Variants in HHLA2 observed in about 807,000 individuals in gnomAD.
The protein encoded by HHLA2 is HERV-H LTR-associating protein 2.
Under a neutral mutation model 45.9 loss-of-function variants are expected in HHLA2, and 48 were observed. The observed-to-expected ratio is 1.05, with a 90% CI of 0.83 to 1.33. The LOEUF (loss-of-function observed/expected upper bound fraction) is 1.33, where lower values mean the gene tolerates loss of function less well. Ranked by LOEUF, HHLA2 falls within the 40% of genes most tolerant of loss-of-function variation. The probability of loss-of-function intolerance (pLI) is 0.00; values close to 1 mark genes in which losing one functional copy is unlikely to be tolerated. For synonymous variants in HHLA2, 161 were observed against 173.9 expected, an observed-to-expected ratio of 0.93 and a Z score of 0.59; for missense variants, 462 against 494.3, an observed-to-expected ratio of 0.93 and a Z score of 0.62.
intron 8 of HHLA2, among the ~76,000 whole-genome samples, chr3:108,372,590 T>C (rs1258867333): frequency 2.0e-5 from 3 of 150,596 alleles, no homozygotes; most frequent in Non-Finnish European, 4.4e-5. Flanking sequence ...GCAAGACTAA[T>C]AAAGAAGAAA....
At chr3:108,321,091 T>TAAAAAAAAAAAAAAAAAAAGAAA (rs2081191994) in intron 2 of HHLA2, among the ~76,000 whole-genome samples, 1 of 101,428 alleles carries the variant, frequency 9.9e-6, no homozygotes, top group Non-Finnish European at 2.0e-5. Context: ...TCCAGGTGTT[T>TAAAAAAAAAAAAAAAAAAAGAAA]AAAAAAAAAA....
chr3:108,337,869 T>C (rs1019145111), intron 3 of HHLA2, among the ~76,000 whole-genome samples: 20 of 152,298 alleles, frequency 1.3e-4, no homozygotes, highest in African/African-American at 4.1e-4. Context: ...GCTTATGTCC[T>C]AAACCTATTT....
chr3:108,318,180 C>CAAA (rs55796552), intron 2 of HHLA2, among the ~76,000 whole-genome samples: 8,505 of 122,204 alleles, frequency 0.07, 353 homozygotes, highest in Non-Finnish European at 0.1. Context: ...GACTCCATCT[C>CAAA]AAAAAAAAAA....
chr3:108,363,490 G>T (rs966438735), intron 8 of HHLA2, among the ~76,000 whole-genome samples: 22 of 152,158 alleles, frequency 1.4e-4, no homozygotes, highest in African/African-American at 5.3e-4. Flanking sequence ...GAAGTTAGGA[G>T]ATTAGGGTTA....
intron 3 of HHLA2, among the ~76,000 whole-genome samples, chr3:108,328,783 G>A (rs1352932299): frequency 2.0e-5 from 3 of 151,830 alleles, no homozygotes; most frequent in Admixed American, 1.3e-4. Flanking sequence ...GGAGAAAATT[G>A]CAGTAGTAGT....
chr3:108,363,972 CTTCTTT>C (rs1201705340), intron 8 of HHLA2, among the ~76,000 whole-genome samples: 14 of 147,726 alleles, frequency 9.5e-5, no homozygotes, highest in Non-Finnish European at 1.6e-4. Flanking sequence ...GAGTGACTTA[CTTCTTT>C]TTTTTTTTTT....
intron 7 of HHLA2, among the ~76,000 whole-genome samples, chr3:108,359,260 C>A (rs78941793): frequency 0.016 from 2,395 of 152,048 alleles, 45 homozygotes; most frequent in African/African-American, 0.054. Context: ...ATTTTCAGTT[C>A]ACACAAAGTG....
chr3:108,328,156 A>C, intron 2 of HHLA2: 1 of 518,264 alleles, frequency 1.9e-6, no homozygotes. Flanking sequence ...AAGTTGTAGA[A>C]GTAATTTTCA....
At chr3:108,370,988 T>C (rs149701951) in intron 8 of HHLA2, among the ~76,000 whole-genome samples, 3,460 of 152,214 alleles carry the variant, frequency 0.023, 58 homozygotes, top group South Asian at 0.057. Context: ...GCCAGAAAGA[T>C]ACTCCTCGAG....
intron 1 of HHLA2, among the ~76,000 whole-genome samples, chr3:108,299,902 C>T (rs2107274973): frequency 6.6e-6 from 1 of 152,204 alleles, no homozygotes; most frequent in East Asian, 1.9e-4. Context: ...GGAGCGATGG[C>T]TTGGAAAGAG....
In HHLA2 at chr3:108,362,232, T is replaced by C. The variant is rs912796584; in HGVS notation, c.1004-110T>C. 3 of 735,558 alleles carry C rather than the reference T, an allele frequency of 4.1e-6. No individual in the cohort carries two copies. The African/African-American group carries it at 5.4e-5, about 13-fold the overall frequency. 45.6% of individuals were successfully genotyped at this position (735,558 alleles called of 1,614,324 possible). A position where few individuals can be genotyped will look rare whatever the true frequency, so the allele number is the denominator to read the frequency against. On this transcript the variant is annotated intron_variant, in intron 7 of 10. Transcript: ENST00000619531. Reference sequence around the variant, plus strand: ...CAGCCTCCTACCTGTAATGCAGAAATAACTAGTTTTTAAAATAGTAAACAT... The same window carrying C: ...CAGCCTCCTACCTGTAATGCAGAAACAACTAGTTTTTAAAATAGTAAACAT...
At chr3:108,363,388 CT>C (rs1476414774) in intron 8 of HHLA2, among the ~76,000 whole-genome samples, 1 of 152,172 alleles carries the variant, frequency 6.6e-6, no homozygotes. Flanking sequence ...CATTATCCCC[CT>C]GAGAAGGCTC....
chr3:108,373,963 A>G (rs1416687836), intron 8 of HHLA2, among the ~76,000 whole-genome samples: 1 of 151,434 alleles, frequency 6.6e-6, no homozygotes, highest in Non-Finnish European at 1.5e-5. Context: ...TTCTTCACAG[A>G]ATTGGAAGAA....
chr3:108,369,155 A>T (rs772256009), intron 8 of HHLA2, among the ~76,000 whole-genome samples: 82 of 152,300 alleles, frequency 5.4e-4, no homozygotes, highest in Middle Eastern at 6.8e-3. Context: ...GGCAGAAATA[A>T]ATAAGTTCTT....
chr3:108,374,383 A>G (rs997665348), intron 8 of HHLA2, among the ~76,000 whole-genome samples: 4 of 151,582 alleles, frequency 2.6e-5, no homozygotes, highest in African/African-American at 9.7e-5. Context: ...ACCCTAGAAG[A>G]AAACCTAGGC....
chr3:108,370,568 A>G (rs533900627), intron 8 of HHLA2, among the ~76,000 whole-genome samples: 5 of 152,278 alleles, frequency 3.3e-5, no homozygotes, highest in African/African-American at 1.2e-4. Flanking sequence ...CAAAGAAATT[A>G]AAAACCTTGA....
exon 7 of HHLA2, chr3:108,358,079 T>C (rs1322156897): frequency 1.2e-6 from 2 of 1,613,566 alleles, no homozygotes; most frequent in African/African-American, 2.7e-5. Context: ...TGATGGATCT[T>C]AATCTTTCAG....
At chr3:108,318,111 G>A (rs2081135256) in intron 2 of HHLA2, among the ~76,000 whole-genome samples, 1 of 151,582 alleles carries the variant, frequency 6.6e-6, no homozygotes, top group South Asian at 2.1e-4. Flanking sequence ...AACCAAGGAG[G>A]CTGAGGTTGC....
chr3:108,371,573 G>A (rs1436766987), intron 8 of HHLA2, among the ~76,000 whole-genome samples: 1 of 152,134 alleles, frequency 6.6e-6, no homozygotes, highest in African/African-American at 2.4e-5. Flanking sequence ...GCTGTATTCA[G>A]GAAACCTATC....
Sources: gnomAD v4.1 joint callset for allele counts (sites outside exome capture counted in the v4.1 genomes callset) on GRCh38, gnomAD v4.1.1 for gene constraint, MANE v1.5 for transcripts, NCBI Gene and HGNC (gene_info 2026-07-23, HGNC 2026-07-21) for gene names.